MAP2K5: variants seen among roughly 807,000 people sequenced by gnomAD.
The protein encoded by MAP2K5 is mitogen-activated protein kinase kinase 5.
A neutral mutation model predicts 83.1 loss-of-function variants in MAP2K5; 49 were observed. The ratio of observed to expected loss-of-function variants is 0.59; its 90% confidence interval spans 0.47 to 0.75. The LOEUF is 0.75. MAP2K5 is among the 30% of genes least tolerant of loss of function. MAP2K5 has a pLI of 0.00. For missense variants in MAP2K5, 457 were observed against 557.5 expected, an observed-to-expected ratio of 0.82 and a Z score of 1.82; for synonymous variants, 202 against 191.8, an observed-to-expected ratio of 1.05 and a Z score of -0.44.
Position 67,636,166 on chromosome 15 carries a change from A to T in MAP2K5, c.585+5239A>T, listed in dbSNP as rs567488372. Among the ~76,000 whole-genome samples, 1 of 152,292 alleles carries T rather than the reference A, an allele frequency of 6.6e-6. No homozygotes were observed. Among genetic ancestry groups the T allele is most frequent in the South Asian group, 2.1e-4 (1 of 4,830 alleles). On this transcript the variant is annotated intron_variant, in intron 9 of 21. Coordinates refer to ENST00000178640, the MANE Select transcript of MAP2K5 (RefSeq NM_145160.3). This position sits in a 1 kb window ranked among gnomAD's most constrained non-coding sequence, Gnocchi z 4.7. ...CGTGGCTCATGCCTGTAATCCCAGC[A>T]CTTTGAAAGGCTGAGGTGGGCGGAT...
intron 21 of MAP2K5, among the ~76,000 whole-genome samples, chr15:67,798,557 A>T (rs527975573): frequency 2.6e-4 from 39 of 151,808 alleles, no homozygotes; most frequent in African/African-American, 9.4e-4. Flanking sequence ...CTCTGGAAAC[A>T]TTTTTTTTCT....
chr15:67,739,500 A>T (rs2089443941), intron 17 of MAP2K5, among the ~76,000 whole-genome samples: 4 of 64,682 alleles, frequency 6.2e-5, no homozygotes, highest in African/African-American at 1.9e-4. Flanking sequence ...TTTTTTTTTG[A>T]GATGGAGTCT....
chr15:67,654,600 T>C (rs927216624), intron 11 of MAP2K5, among the ~76,000 whole-genome samples: 1 of 152,234 alleles, frequency 6.6e-6, no homozygotes, highest in African/African-American at 2.4e-5. Context: ...TGTTCTGTTG[T>C]TGCTTTCTTT....
intron 4 of MAP2K5, among the ~76,000 whole-genome samples, 192 bp downstream of exon 4, chr15:67,581,015 G>C (rs1157409771): frequency 1.3e-5 from 2 of 152,110 alleles, no homozygotes; most frequent in African/African-American, 4.8e-5. Flanking sequence ...TAATTTACTA[G>C]AGTAAATTAA....
At chr15:67,742,052 A>G (rs1215602516) in intron 17 of MAP2K5, among the ~76,000 whole-genome samples, 1 of 151,772 alleles carries the variant, frequency 6.6e-6, no homozygotes, top group Non-Finnish European at 1.5e-5. Context: ...CTGCCACCAC[A>G]CCCGGCTAAT....
At chr15:67,622,169 ATGAAGGGAGAATGTGC>A (rs371708782) in intron 8 of MAP2K5, among the ~76,000 whole-genome samples, 2,053 of 148,132 alleles carry the variant, frequency 0.014, 25 homozygotes, top group South Asian at 0.031. Context: ...AAAAAAGAAG[ATGAAGGGAGAATGTGC>A]TGAAGGGAGA....
Position 67,724,734 on chromosome 15 carries a change from C to G in MAP2K5, c.1045-3182C>G, listed in dbSNP as rs1038069623. Among the ~76,000 whole-genome samples the G allele has an allele frequency of 2.0e-5, 3 of 152,166 alleles. No homozygotes were observed. The highest frequency in any genetic ancestry group is 6.5e-5 in the Admixed American group (1 of 15,278). On this transcript the variant is annotated intron_variant, in intron 16 of 21. Transcript: ENST00000178640. The surrounding 1 kb of genome is among the most constrained non-coding windows in gnomAD (Gnocchi z 4.4). ...ACATAAACACTGTAGCTGCATTAGA[C>G]CTAGAGGGATAGAGGCATACATAGA...
rs944494642 is a variant in MAP2K5, at chr15:67,543,052, A to G, written c.-284A>G. 1.1e-5 allele frequency: 5 copies of G among 467,586 alleles called. No homozygotes were observed. The highest frequency in any genetic ancestry group is 9.8e-5 in the African/African-American group (5 of 50,970). 29.0% of individuals were successfully genotyped at this position (467,586 alleles called of 1,614,324 possible). A position where few individuals can be genotyped will look rare whatever the true frequency, so the allele number is the denominator to read the frequency against. On this transcript the variant is annotated 5_prime_UTR_variant, in exon 1 of 22. Coordinates refer to ENST00000178640, the MANE Select transcript of MAP2K5 (RefSeq NM_145160.3). This position sits in a 1 kb window ranked among gnomAD's most constrained non-coding sequence, Gnocchi z 4.3. ...AGACCTTCACCATAGCGTTCGCTCA[A>G]CTCCAGAACCTTCCGACCTCCGCTA...
chr15:67,624,659 C>T (rs1008775476), intron 8 of MAP2K5, among the ~76,000 whole-genome samples: 2 of 150,140 alleles, frequency 1.3e-5, no homozygotes, highest in Admixed American at 6.7e-5. Flanking sequence ...GACGGAGTTT[C>T]GCTCTTGTTT....
chr15:67,560,454 A>G (rs2140961154), intron 2 of MAP2K5, among the ~76,000 whole-genome samples: 1 of 152,392 alleles, frequency 6.6e-6, no homozygotes, highest in South Asian at 2.1e-4. Flanking sequence ...AAAGCTAGGT[A>G]TCCTATTAAC....
At position 67,586,861 on chromosome 15, in the gene MAP2K5, G is replaced by A. The variant is rs1401115870; in HGVS notation, c.379G>A (p.Gly127Arg). Residue 127 changes from glycine (G) to arginine (R), a missense_variant, in exon 6 of 22, where the codon GGA becomes AGA. Gly to Arg is a moderately radical substitution (Grantham distance 125). Coordinates refer to ENST00000178640, the MANE Select transcript of MAP2K5 (RefSeq NM_145160.3). ...TTACTTATAGGTGAATACTCGGGCC[G>A]GACCCTCTCAACACAGCAGCCCAGC... ...IHGLKVNTRA[G>R]PSQHSSPAVS... is the part of the protein sequence containing the mutation. 3 of 1,613,978 alleles carry A rather than the reference G, an allele frequency of 1.9e-6. No individual in the cohort carries two copies. The highest frequency in any genetic ancestry group is 3.3e-5 in the Admixed American group (2 of 59,996).
rs564621697 is a variant in MAP2K5 at position 67,559,884 on chromosome 15, C to T, written c.185-3399C>T. Among the ~76,000 whole-genome samples the T allele has an allele frequency of 2.2e-4, 34 of 152,298 alleles. No homozygotes were observed. In the South Asian group the frequency reaches 5.8e-3, roughly 26 times the overall value. ...ACCTCCATGTATAAGATAGAAAAAG[C>T]TCAAATTATTTTCTTGCTTCTTAGT... On this transcript the variant is annotated intron_variant, in intron 2 of 21. Coordinates refer to ENST00000178640, the MANE Select transcript of MAP2K5 (RefSeq NM_145160.3). This position sits in a 1 kb window ranked among gnomAD's most constrained non-coding sequence, Gnocchi z 4.7.
At chr15:67,598,882 A>T (rs1380185630) in intron 7 of MAP2K5, among the ~76,000 whole-genome samples, 1 of 152,214 alleles carries the variant, frequency 6.6e-6, no homozygotes, top group Non-Finnish European at 1.5e-5. Context: ...AATTTATGTC[A>T]AGCCATGATG....
intron 16 of MAP2K5, among the ~76,000 whole-genome samples, chr15:67,723,244 A>G (rs539700678): frequency 1.3e-5 from 2 of 152,328 alleles, no homozygotes; most frequent in Admixed American, 6.5e-5. Flanking sequence ...ATCGTGTTAT[A>G]TATTTGGCAA....
chr15:67,790,223 T>C lies in MAP2K5; in HGVS notation c.1243-16423T>C, dbSNP rs2090492383. 6.6e-6 allele frequency among the ~76,000 whole-genome samples: 1 copy of C among 152,200 alleles called. No homozygotes were observed. Among genetic ancestry groups the C allele is most frequent in the Non-Finnish European group, 1.5e-5 (1 of 68,028 alleles). On this transcript the variant is annotated intron_variant, in intron 21 of 21. Transcript: ENST00000178640. The surrounding 1 kb of genome is among the most constrained non-coding windows in gnomAD (Gnocchi z 4.6). Reference sequence around the variant, plus strand: ...CTATTTGTTTTAAGCCTGGGAAGACTGTGTGGTTTTCTCAACACTGTCCTG... The same window carrying C: ...CTATTTGTTTTAAGCCTGGGAAGACCGTGTGGTTTTCTCAACACTGTCCTG...
chr15:67,688,878 G>A (rs1596798124), intron 13 of MAP2K5, among the ~76,000 whole-genome samples: 1 of 152,172 alleles, frequency 6.6e-6, no homozygotes, highest in African/African-American at 2.4e-5. Flanking sequence ...GTTAAAGGGG[G>A]TTGTTAGGTT....
At chr15:67,593,050 T>C in intron 7 of MAP2K5, 76 bp downstream of exon 7, 1 of 920,378 alleles carries the variant, frequency 1.1e-6, no homozygotes, top group Non-Finnish European at 1.7e-6. Flanking sequence ...CATAAGCTTA[T>C]TAAACAGATA....
Position 67,572,692 on chromosome 15 carries a change from ATATTAT to A in MAP2K5, c.253-8051_253-8046del, listed in dbSNP as rs1359000044. On this transcript the variant is annotated intron_variant, in intron 3 of 21. Transcript: ENST00000178640. This position sits in a 1 kb window ranked among gnomAD's most constrained non-coding sequence, Gnocchi z 4.2. Reference sequence around the variant, plus strand: ...TAATTACTATATTTTGCAAGAATTGATATTATTATTATTATTTTTTTTTTTGAGATG... The same window carrying A: ...TAATTACTATATTTTGCAAGAATTGATATTATTATTTTTTTTTTTGAGATG... Among the ~76,000 whole-genome samples the A allele has an allele frequency of 1.5e-5, 2 of 131,266 alleles. No homozygotes were observed. The highest frequency in any genetic ancestry group is 4.2e-3 in the Middle Eastern group (1 of 240). The allele number at this position is 131,266 out of a possible 152,430, so 86.1% of individuals were successfully genotyped here. A position where few individuals can be genotyped will look rare whatever the true frequency, so the allele number is the denominator to read the frequency against.
At chr15:67,700,740 G>A (rs539413433) in intron 15 of MAP2K5, among the ~76,000 whole-genome samples, 20 of 152,158 alleles carry the variant, frequency 1.3e-4, no homozygotes, top group Admixed American at 1.0e-3. Context: ...GGATAGACAC[G>A]TGGAGCTTGC....
Sources: allele counts gnomAD v4.1 joint callset (sites outside exome capture counted in the v4.1 genomes callset), GRCh38; gene constraint gnomAD v4.1.1; non-coding constraint Gnocchi (gnomAD v3.1); transcripts MANE v1.5; gene names NCBI Gene and HGNC (gene_info 2026-07-23, HGNC 2026-07-21).